SPCS1: variants seen among roughly 807,000 people sequenced by gnomAD.
SPCS1 encodes the protein signal peptidase complex subunit 1.
In SPCS1, 10 loss-of-function variants were observed where a neutral mutation model predicts 16.4. The observed-to-expected ratio is 0.61, with a 90% CI of 0.38 to 1.03. The LOEUF (loss-of-function observed/expected upper bound fraction) is 1.03. Among genes scored for constraint, SPCS1 ranks in the 50% least tolerant of loss-of-function variants. SPCS1 has a pLI of 0.01. For synonymous variants in SPCS1, 47 were observed against 42.5 expected (o/e 1.10, Z -0.41); for missense variants, 118 against 123.8 (o/e 0.95, Z 0.22).
rs769133807 is a variant in SPCS1 at position 52,706,866 on chromosome 3, C to T, written c.170C>T (p.Ala57Val). ...WTVYIVMAGF[A>V]FSCLLTLPPW... Reference sequence around the variant, plus strand: ...GTCTATATAGTTATGGCCGGATTTGCTTTTTCATGTTTGGTAAGAAATTTG... The same window carrying T: ...GTCTATATAGTTATGGCCGGATTTGTTTTTTCATGTTTGGTAAGAAATTTG... The change falls in exon 3 of 4, where the codon GCT (alanine) becomes GTT (valine). Residue 57 changes from alanine to valine, a missense_variant. By Grantham distance (64) the Ala-to-Val change is moderately conservative. Coordinates refer to ENST00000619898, the MANE Select transcript of SPCS1 (RefSeq NM_014041.5). 1 of 1,613,796 alleles carries T rather than the reference C, an allele frequency of 6.2e-7. No individual in the cohort carries two copies. Among genetic ancestry groups the T allele is most frequent in the Non-Finnish European group, 8.5e-7 (1 of 1,179,816 alleles).
chr3:52,706,487 TC>T (rs2097344861), intron 1 of SPCS1, 156 bp from the exon 2 acceptor site: 5 of 852,198 alleles, frequency 5.9e-6, no homozygotes, highest in Non-Finnish European at 9.0e-6. Flanking sequence ...TTTCAGTTCC[TC>T]CCGGGAAGCC....
intron 1 of SPCS1, 82 bp downstream of exon 1, chr3:52,706,364 G>T: frequency 6.9e-7 from 1 of 1,451,058 alleles, no homozygotes; most frequent in Non-Finnish European, 9.3e-7. Flanking sequence ...CCGACCCGGT[G>T]CTGCGCTGTT....
chr3:52,707,578 T>C lies in SPCS1; in HGVS notation c.184-109T>C. 4.1e-6 allele frequency: 5 copies of C among 1,213,122 alleles called. No individual in the cohort carries two copies. In the South Asian group the frequency reaches 7.4e-5, roughly 18 times the overall value. 75.1% of individuals were successfully genotyped at this position (1,213,122 alleles called of 1,614,324 possible). ...ATAGGAATATGGATTTTTTTTTTTG[T>C]TTTTTTGTTCCCTCAGCATAGGAGT... On this transcript the variant is annotated intron_variant, in intron 3 of 3. Transcript: ENST00000619898.
intron 1 of SPCS1, 123 bp from the exon 2 acceptor site, chr3:52,706,521 G>C (rs1050796000): frequency 6.8e-5 from 65 of 961,420 alleles, no homozygotes; most frequent in Middle Eastern, 2.2e-4. Flanking sequence ...TCTTGCCCAG[G>C]CCCTTAGGAG....
At position 52,706,874 on chromosome 3, in the gene SPCS1, T is replaced by TG; in HGVS notation, c.179dup (p.Cys60TrpfsTer37). 1 of 1,613,680 alleles carries TG rather than the reference T, an allele frequency of 6.2e-7. No homozygotes were observed. Among genetic ancestry groups the TG allele is most frequent in the Non-Finnish European group, 8.5e-7 (1 of 1,179,578 alleles). ...AGTTATGGCCGGATTTGCTTTTTCA[T>TG]GTTTGGTAAGAAATTTGTGGGTATT... is the stretch of plus-strand genomic sequence containing the variant. On this transcript the variant is annotated frameshift_variant, in exon 3 of 4. Coordinates refer to ENST00000619898, the MANE Select transcript of SPCS1 (RefSeq NM_014041.5). LOFTEE classifies it high-confidence loss of function.
Position 52,707,928 on chromosome 3 carries a change from T to G in SPCS1, c.*116T>G, listed in dbSNP as rs923896738. 7.8e-7 allele frequency: 1 copy of G among 1,283,648 alleles called. No homozygotes were observed. Among genetic ancestry groups the G allele is most frequent in the African/African-American group, 1.5e-5 (1 of 67,256 alleles). 79.5% of individuals were successfully genotyped at this position (1,283,648 alleles called of 1,614,324 possible). On this transcript the variant is annotated 3_prime_UTR_variant, in exon 4 of 4. Coordinates refer to ENST00000619898, the MANE Select transcript of SPCS1 (RefSeq NM_014041.5). ...CTTATGGCACAGCTGTGTATAGATT[T>G]AGTTCTCTTTATACTTCATTTCTAG... is the stretch of plus-strand genomic sequence containing the variant.
chr3:52,706,368 C>T, intron 1 of SPCS1, 86 bp downstream of exon 1: 3 of 1,423,706 alleles, frequency 2.1e-6, no homozygotes, highest in Non-Finnish European at 2.8e-6. Context: ...CCCGGTGCTG[C>T]GCTGTTCCGG....
Position 52,711,032 on chromosome 3 carries a change from C to G in SPCS1, c.*3220C>G, listed in dbSNP as rs1032273563. 6.6e-6 allele frequency: 1 copy of G among 152,568 alleles called. No individual in the cohort carries two copies. The highest frequency in any genetic ancestry group is 2.4e-5 in the African/African-American group (1 of 41,422). 9.5% of individuals were successfully genotyped at this position (152,568 alleles called of 1,614,324 possible). A position where few individuals can be genotyped will look rare whatever the true frequency, so the allele number is the denominator to read the frequency against. The stretch of plus-strand genomic sequence containing the variant: ...TATCCAAAAACTAAATGGACCTGGA[C>G]TTTGCTTACAAATTGCTTAAATGGA... On this transcript the variant is annotated 3_prime_UTR_variant, in exon 4 of 4. Coordinates refer to ENST00000619898, the MANE Select transcript of SPCS1 (RefSeq NM_014041.5).
chr3:52,706,959 C>A, intron 3 of SPCS1, 80 bp downstream of exon 3: 1 of 972,602 alleles, frequency 1.0e-6, no homozygotes, highest in Non-Finnish European at 1.7e-6. Flanking sequence ...AGTAGTGAGA[C>A]CCAAAGCCAA....
chr3:52,707,988 A>T lies in SPCS1; in HGVS notation c.*176A>T. 1.6e-6 allele frequency: 1 copy of T among 640,586 alleles called. No individual in the cohort carries two copies. The allele number at this position is 640,586 out of a possible 1,614,324, so 39.7% of individuals were successfully genotyped here. ...GTTTTGATTTATATAAGTAGTTTAG[A>T]CCTTCTCTTCATAATCTTGCTCTGA... On this transcript the variant is annotated 3_prime_UTR_variant, in exon 4 of 4. Transcript: ENST00000619898.
Position 52,706,551 on chromosome 3 carries a change from G to T in SPCS1, c.37-93G>T, listed in dbSNP as rs1003867902. On this transcript the variant is annotated intron_variant, in intron 1 of 3. Transcript: ENST00000619898. ...TAGGAGAGCGGGAGACCCTGATGTT[G>T]GGGTTACCCTGTGCCAGAGTTGTGA... is the stretch of plus-strand genomic sequence containing the variant. The T allele has an allele frequency of 5.0e-5, 60 of 1,209,098 alleles. No individual in the cohort carries two copies. In the Middle Eastern group the frequency reaches 7.7e-4, roughly 16 times the overall value. The allele number at this position is 1,209,098 out of a possible 1,614,324, so 74.9% of individuals were successfully genotyped here. A position where few individuals can be genotyped will look rare whatever the true frequency, so the allele number is the denominator to read the frequency against.
At chr3:52,706,954 T>G in intron 3 of SPCS1, 75 bp downstream of exon 3, 1 of 1,048,784 alleles carries the variant, frequency 9.5e-7, no homozygotes, top group East Asian at 2.4e-5. Flanking sequence ...TACTCAGTAG[T>G]GAGACCCAAA....
rs200515583 is a variant in SPCS1 at position 52,706,171 on chromosome 3, C to T, written c.-76C>T. The T allele has an allele frequency of 4.6e-4, 714 of 1,547,504 alleles. 8 individuals carry two copies. In the African/African-American group the frequency reaches 8.7e-3, roughly 19 times the overall value. On this transcript the variant is annotated 5_prime_UTR_variant, in exon 1 of 4. Transcript: ENST00000619898. ...ACGCGCAGTGCCAGACCTTACCCCTCACGGTCCTTAAGTCTCGGTCGCCCT... is the reference window on the plus strand; with the variant it reads ...ACGCGCAGTGCCAGACCTTACCCCTTACGGTCCTTAAGTCTCGGTCGCCCT...
At chr3:52,706,465 T>A in intron 1 of SPCS1, 179 bp from the exon 2 acceptor site, 1 of 828,356 alleles carries the variant, frequency 1.2e-6, no homozygotes, top group Non-Finnish European at 1.9e-6. Flanking sequence ...CTGTCCATTC[T>A]CCGTGAGGGT....
intron 1 of SPCS1, 128 bp from the exon 2 acceptor site, chr3:52,706,516 C>T: frequency 2.1e-6 from 2 of 933,532 alleles, no homozygotes; most frequent in Non-Finnish European, 3.3e-6. Context: ...TAATATCTTG[C>T]CCAGGCCCTT....
Position 52,707,953 on chromosome 3 carries a change from GC to G in SPCS1, c.*144del. The G allele has an allele frequency of 9.3e-7, 1 of 1,072,466 alleles. No homozygotes were observed. The highest frequency in any genetic ancestry group is 1.3e-6 in the Non-Finnish European group (1 of 742,936). The allele number at this position is 1,072,466 out of a possible 1,614,324, so 66.4% of individuals were successfully genotyped here. ...TAGTTCTCTTTATACTTCATTTCTA[GC>G]CCAGTTGGGTTTTGATTTATATAAG... On this transcript the variant is annotated 3_prime_UTR_variant, in exon 4 of 4. Coordinates refer to ENST00000619898, the MANE Select transcript of SPCS1 (RefSeq NM_014041.5).
chr3:52,706,630 C>T lies in SPCS1; in HGVS notation c.37-14C>T. On this transcript the variant is annotated splice_polypyrimidine_tract_variant and intron_variant, in intron 1 of 3. Coordinates refer to ENST00000619898, the MANE Select transcript of SPCS1 (RefSeq NM_014041.5). The stretch of plus-strand genomic sequence containing the variant: ...CGGTGGAACCAATTCTTTTTTTCCT[C>T]TGCTTCACCCCAGGATTACAAGGGC... 1 of 1,612,686 alleles carries T rather than the reference C, an allele frequency of 6.2e-7. No homozygotes were observed. Among genetic ancestry groups the T allele is most frequent in the Non-Finnish European group, 8.5e-7 (1 of 1,179,226 alleles).
intron 1 of SPCS1, 68 bp from the exon 2 acceptor site, chr3:52,706,576 A>C: frequency 2.8e-6 from 4 of 1,426,534 alleles, no homozygotes; most frequent in Non-Finnish European, 3.9e-6. Context: ...CAGAGTTGTG[A>C]GGTCAGGGCA....
At chr3:52,707,592 C>A in intron 3 of SPCS1, 95 bp from the exon 4 acceptor site, 1 of 1,331,750 alleles carries the variant, frequency 7.5e-7, no homozygotes, top group Non-Finnish European at 1.0e-6. Context: ...TTTGTTCCCT[C>A]AGCATAGGAG....
Sources: allele counts gnomAD v4.1 joint callset, GRCh38; gene constraint gnomAD v4.1.1; transcripts MANE v1.5; gene names NCBI Gene and HGNC (gene_info 2026-07-23, HGNC 2026-07-21).